CHN1: variants seen among roughly 807,000 people sequenced by gnomAD.
The protein encoded by CHN1 is N-chimaerin.
CHN1 carries 37 observed loss-of-function variants against 59.5 expected under a neutral mutation model. The ratio of observed to expected loss-of-function variants is 0.62; its 90% CI spans 0.48 to 0.82. The LOEUF is 0.82. Ranked by LOEUF, CHN1 falls within the 40% of genes least tolerant of loss-of-function variation. CHN1 has a pLI of 0.00. For missense variants in CHN1, 469 were observed against 571.0 expected, an observed-to-expected ratio of 0.82 and a Z score of 1.82; for synonymous variants, 206 against 200.4, an observed-to-expected ratio of 1.03 and a Z score of -0.24.
chr2:174,839,603 G>T (rs1274766965), intron 7 of CHN1, among the ~76,000 whole-genome samples: 4 of 148,684 alleles, frequency 2.7e-5, no homozygotes, highest in South Asian at 2.1e-4. Flanking sequence ...TGCACTTAAA[G>T]ATTTTTTTTT....
intron 6 of CHN1, 57 bp downstream of exon 6, chr2:174,877,783 C>G: frequency 6.6e-7 from 1 of 1,503,930 alleles, no homozygotes; most frequent in Non-Finnish European, 9.0e-7. Flanking sequence ...GCAATAATGG[C>G]TTTCTTAAAA....
At chr2:174,918,250 CA>C (rs1421007151) in intron 4 of CHN1, among the ~76,000 whole-genome samples, 1 of 152,056 alleles carries the variant, frequency 6.6e-6, no homozygotes, top group Non-Finnish European at 1.5e-5. Flanking sequence ...TACACAAAAA[CA>C]CAAATATGTA....
chr2:174,901,262 C>T (rs896809289), intron 5 of CHN1, among the ~76,000 whole-genome samples: 7 of 152,208 alleles, frequency 4.6e-5, no homozygotes, highest in African/African-American at 1.4e-4. Context: ...CGGCCACCCT[C>T]TTCTTTCAGT....
chr2:174,861,146 C>A (rs527473069), intron 6 of CHN1, among the ~76,000 whole-genome samples: 1 of 152,160 alleles, frequency 6.6e-6, no homozygotes, highest in South Asian at 2.1e-4. Flanking sequence ...GCTCCATTTA[C>A]TAGTTATGGG....
At chr2:174,904,246 G>C (rs946101554) in intron 5 of CHN1, among the ~76,000 whole-genome samples, 11 of 151,512 alleles carry the variant, frequency 7.3e-5, no homozygotes, top group Admixed American at 6.6e-5. Flanking sequence ...AGCAACAAGA[G>C]CAAAACTCCG....
chr2:174,989,789 CAA>C (rs770863562), intron 1 of CHN1, among the ~76,000 whole-genome samples: 18 of 126,916 alleles, frequency 1.4e-4, no homozygotes, highest in Non-Finnish European at 1.4e-4. Context: ...AACCCTGTCT[CAA>C]AAAAAAAAAA....
chr2:174,908,115 C>G (rs906449772), intron 5 of CHN1, among the ~76,000 whole-genome samples: 9 of 152,156 alleles, frequency 5.9e-5, no homozygotes, highest in Admixed American at 3.9e-4. Flanking sequence ...TATCAAGACT[C>G]TTGCACATGT....
chr2:174,812,401 A>G lies in CHN1; in HGVS notation c.794T>C (p.Val265Ala). ...CKPDLKHVKK[V>A]YSCDLTTLVK... ...GAGCGTCGTAAGGTCACAGCTGTACACCTTTTTGACATGCTTCAAGTCTGG... is the reference window on the plus strand; with the variant it reads ...GAGCGTCGTAAGGTCACAGCTGTACGCCTTTTTGACATGCTTCAAGTCTGG... The change falls in exon 9 of 13, where the codon GTG (valine) becomes GCG (alanine). Residue 265 changes from valine to alanine, a missense_variant. Val to Ala is a moderately conservative substitution (Grantham distance 64). This residue lies in a region of CHN1 where 225 missense variants were observed against 289.9 expected (regional missense o/e 0.78). Coordinates refer to ENST00000409900, the MANE Select transcript of CHN1 (RefSeq NM_001822.7). The G allele has an allele frequency of 1.2e-6, 2 of 1,613,966 alleles. No individual in the cohort carries two copies. Among genetic ancestry groups the G allele is most frequent in the Non-Finnish European group, 1.7e-6 (2 of 1,179,880 alleles).
At chr2:174,921,916 G>A (rs1443680949) in intron 3 of CHN1, among the ~76,000 whole-genome samples, 1 of 152,166 alleles carries the variant, frequency 6.6e-6, no homozygotes, top group Non-Finnish European at 1.5e-5. Flanking sequence ...TTTGGGTGAG[G>A]ACACAGCCAA....
chr2:174,942,672 C>A (rs1336715947), intron 3 of CHN1, among the ~76,000 whole-genome samples: 1 of 152,142 alleles, frequency 6.6e-6, no homozygotes. Context: ...TCAATCATTA[C>A]AGTGTATACA....
chr2:174,815,602 T>C (rs1210756948), intron 8 of CHN1, among the ~76,000 whole-genome samples: 1 of 151,816 alleles, frequency 6.6e-6, no homozygotes, highest in African/African-American at 2.4e-5. Context: ...TTTTTTTTTT[T>C]TTCATTTGTT....
chr2:174,944,981 T>A, intron 2 of CHN1, 38 bp from the exon 3 acceptor site: 1 of 1,405,886 alleles, frequency 7.1e-7, no homozygotes, highest in Non-Finnish European at 9.8e-7. Flanking sequence ...CAATGTCCCT[T>A]ACATAGAACT....
At chr2:174,829,617 T>C (rs760733798) in intron 7 of CHN1, among the ~76,000 whole-genome samples, 17 of 152,236 alleles carry the variant, frequency 1.1e-4, no homozygotes, top group Non-Finnish European at 1.9e-4. Context: ...TAAGCATGAA[T>C]GCAAATAGCC....
At chr2:174,817,464 ATTT>A (rs776503923) in intron 8 of CHN1, among the ~76,000 whole-genome samples, 3 of 139,866 alleles carry the variant, frequency 2.1e-5, no homozygotes, top group Non-Finnish European at 3.1e-5. Context: ...TCATCCCCCA[ATTT>A]TTTTTTTTTT....
rs115669042 is a variant in CHN1 at position 174,944,762 on chromosome 2, T to A, written c.114+126A>T. On this transcript the variant is annotated intron_variant, in intron 3 of 12. Coordinates refer to ENST00000409900, the MANE Select transcript of CHN1 (RefSeq NM_001822.7). The stretch of plus-strand genomic sequence containing the variant: ...TATTAAGAAAAATGTATTCAAGTTA[T>A]AATTTTATCATATCGATTAGTGTTA... 2,039 of 627,956 alleles carry A rather than the reference T, an allele frequency of 3.2e-3. 40 individuals are homozygous for A. The African/African-American group carries it at 0.035, about 11-fold the overall frequency. The allele number at this position is 627,956 out of a possible 1,614,324, so 38.9% of individuals were successfully genotyped here.
Position 174,805,912 on chromosome 2 carries a change from A to G in CHN1, c.1102+2993T>C, listed in dbSNP as rs1224002392. 3.9e-5 allele frequency among the ~76,000 whole-genome samples: 6 copies of G among 152,320 alleles called. No individual in the cohort carries two copies. The East Asian group carries it at 9.6e-4, about 24-fold the overall frequency. ...TGGGCTTTGAGTTGATCTCAAGGTT[A>G]CACACTGAGACATGTAGCTTTTTGA... is the stretch of plus-strand genomic sequence containing the variant. On this transcript the variant is annotated intron_variant, in intron 11 of 12. Coordinates refer to ENST00000409900, the MANE Select transcript of CHN1 (RefSeq NM_001822.7).
chr2:175,005,132 AG>A lies in CHN1; in HGVS notation c.-221del. ...ATTGTCGGGCGCACCGGGCCCAGGG[AG>A]CCCCGCTAGCTCTCCGCGAGCCGGC... On this transcript the variant is annotated 5_prime_UTR_variant, in exon 1 of 13. An upstream open reading frame in the 5' UTR loses its in-frame stop. Coordinates refer to ENST00000409900, the MANE Select transcript of CHN1 (RefSeq NM_001822.7). The A allele has an allele frequency of 2.3e-6, 3 of 1,305,492 alleles. No individual in the cohort carries two copies. Among genetic ancestry groups the A allele is most frequent in the Non-Finnish European group, 2.9e-6 (3 of 1,025,090 alleles). The allele number at this position is 1,305,492 out of a possible 1,614,324, so 80.9% of individuals were successfully genotyped here.
chr2:174,846,985 T>C (rs1191613545), intron 6 of CHN1, 28 bp from the exon 7 acceptor site: 1 of 1,552,304 alleles, frequency 6.4e-7, no homozygotes, highest in African/African-American at 1.4e-5. Flanking sequence ...GTTTCAGAGG[T>C]TGCCAGATTG....
chr2:174,940,530 ACT>A (rs1467361131), intron 3 of CHN1, among the ~76,000 whole-genome samples: 2 of 145,986 alleles, frequency 1.4e-5, no homozygotes, highest in Non-Finnish European at 3.0e-5. Flanking sequence ...TCATCCCACC[ACT>A]GTTTTTTTTT....
Sources: allele counts gnomAD v4.1 joint callset (sites outside exome capture counted in the v4.1 genomes callset), GRCh38; gene constraint gnomAD v4.1.1; regional missense constraint gnomAD v4.1.1; transcripts MANE v1.5; gene names NCBI Gene and HGNC (gene_info 2026-07-23, HGNC 2026-07-21).